The following BTF3L4 variants were observed in gnomAD, a reference collection of about 807,000 sequenced individuals.
The protein encoded by BTF3L4 is transcription factor BTF3 homolog 4.
Under a neutral mutation model 16.8 loss-of-function variants are expected in BTF3L4, and 6 were observed. The ratio of observed to expected loss-of-function variants is 0.36; its 90% CI spans 0.20 to 0.71. The LOEUF (loss-of-function observed/expected upper bound fraction) is 0.71, where lower values mean the gene tolerates loss of function less well. BTF3L4 is among the 30% of genes least tolerant of loss of function. The probability of loss-of-function intolerance (pLI) is 0.58; values close to 1 mark genes in which losing one functional copy is unlikely to be tolerated. For synonymous variants in BTF3L4, 39 were observed against 59.8 expected, an observed-to-expected ratio of 0.65 and a Z score of 1.60; for missense variants, 92 against 186.9, an observed-to-expected ratio of 0.49 and a Z score of 2.96.
At chr1:52,078,965 T>C (rs1686998353) in intron 3 of BTF3L4, among the ~76,000 whole-genome samples, 1 of 152,210 alleles carries the variant, frequency 6.6e-6, no homozygotes, top group Non-Finnish European at 1.5e-5. Context: ...TCTTATATTG[T>C]ACATATATTA....
intron 3 of BTF3L4, among the ~76,000 whole-genome samples, chr1:52,074,240 C>T (rs1686872929): frequency 6.6e-6 from 1 of 151,900 alleles, no homozygotes; most frequent in South Asian, 2.1e-4. Flanking sequence ...ACTCTATGCC[C>T]AGGCTGGAGT....
chr1:52,084,880 G>A (rs770259934), intron 4 of BTF3L4, among the ~76,000 whole-genome samples: 1 of 151,706 alleles, frequency 6.6e-6, no homozygotes, highest in South Asian at 2.1e-4. Flanking sequence ...TGTGGCAACC[G>A]TAAGTTCTGA....
At chr1:52,057,975 C>T (rs968487648) in intron 1 of BTF3L4, among the ~76,000 whole-genome samples, 1 of 152,192 alleles carries the variant, frequency 6.6e-6, no homozygotes, top group Non-Finnish European at 1.5e-5. Flanking sequence ...CTTCAAAATG[C>T]AGAAGAATCC....
intron 2 of BTF3L4, among the ~76,000 whole-genome samples, chr1:52,061,342 G>A (rs2124413862): frequency 6.6e-6 from 1 of 152,008 alleles, no homozygotes; most frequent in Non-Finnish European, 1.5e-5. Flanking sequence ...TACAAAAATA[G>A]CCTGGTGTGG....
intron 2 of BTF3L4, 37 bp downstream of exon 2, chr1:52,059,938 A>ATGAT (rs1239894578): frequency 6.4e-7 from 1 of 1,565,220 alleles, no homozygotes; most frequent in African/African-American, 1.4e-5. Context: ...AGGAGAATGT[A>ATGAT]TGATTACCAG....
chr1:52,089,759 T>C lies in BTF3L4; in HGVS notation c.*3001T>C, dbSNP rs1644003152. 1.3e-5 allele frequency: 2 copies of C among 152,170 alleles called. No individual in the cohort carries two copies. The highest frequency in any genetic ancestry group is 4.8e-5 in the African/African-American group (2 of 41,444). 9.4% of individuals were successfully genotyped at this position (152,170 alleles called of 1,614,324 possible). A position where few individuals can be genotyped will look rare whatever the true frequency, so the allele number is the denominator to read the frequency against. ...CTGTTTTGGACAAGTCCAAAGTAAA[T>C]GGTTGGGCTCTTATATCTGTTTTAC... is the stretch of plus-strand genomic sequence containing the variant. On this transcript the variant is annotated 3_prime_UTR_variant, in exon 6 of 6. Transcript: ENST00000313334.
At chr1:52,071,203 T>G (rs568688831) in intron 3 of BTF3L4, 2 of 152,318 alleles carry the variant, frequency 1.3e-5, no homozygotes, top group African/African-American at 4.8e-5. Context: ...AAAAAGCACT[T>G]TCCGATTCAG....
At chr1:52,082,738 C>A (rs75836980) in intron 3 of BTF3L4, among the ~76,000 whole-genome samples, 10 of 141,026 alleles carry the variant, frequency 7.1e-5, no homozygotes, top group African/African-American at 1.8e-4. Context: ...GATTCTGTCT[C>A]AAAAAAAAAA....
In BTF3L4 at chr1:52,088,007, T is replaced by A. The variant is rs1643987319; in HGVS notation, c.*1249T>A. ...CACAGTATTTATTTTTTTACCTCCT[T>A]TAAGAGGACTTGGAGGTAAGTTGCA... On this transcript the variant is annotated 3_prime_UTR_variant, in exon 6 of 6. Transcript: ENST00000313334. 1 of 152,632 alleles carries A rather than the reference T, an allele frequency of 6.6e-6. No homozygotes were observed. The highest frequency in any genetic ancestry group is 1.5e-5 in the Non-Finnish European group (1 of 68,030). 9.5% of individuals were successfully genotyped at this position (152,632 alleles called of 1,614,324 possible).
chr1:52,075,463 A>G (rs1686906204), intron 3 of BTF3L4, among the ~76,000 whole-genome samples: 1 of 150,116 alleles, frequency 6.7e-6, no homozygotes, highest in Non-Finnish European at 1.5e-5. Flanking sequence ...CAGAGGTTGC[A>G]GTGGGCCGAG....
chr1:52,059,080 C>T (rs1388407093), intron 1 of BTF3L4, among the ~76,000 whole-genome samples: 3 of 151,872 alleles, frequency 2.0e-5, no homozygotes, highest in African/African-American at 7.3e-5. Context: ...CTCTGCCCCC[C>T]CCCAACATTT....
chr1:52,056,527 C>T (rs1686359427), intron 1 of BTF3L4, 148 bp downstream of exon 1: 1 of 152,550 alleles, frequency 6.6e-6, no homozygotes, highest in Admixed American at 6.5e-5. Context: ...CTGGCTTGGC[C>T]TGTCGGTTAC....
intron 4 of BTF3L4, among the ~76,000 whole-genome samples, chr1:52,084,985 T>G (rs2124448368): frequency 6.6e-6 from 1 of 151,408 alleles, no homozygotes; most frequent in Admixed American, 6.6e-5. Context: ...GCTAGATACT[T>G]TCTTACACCA....
intron 3 of BTF3L4, among the ~76,000 whole-genome samples, chr1:52,072,086 G>A (rs1686805054): frequency 6.8e-6 from 1 of 147,930 alleles, no homozygotes; most frequent in African/African-American, 2.5e-5. Flanking sequence ...GTGCAGTCTC[G>A]CTCTTTTGCC....
chr1:52,069,465 G>A (rs1686731097), intron 3 of BTF3L4, among the ~76,000 whole-genome samples: 1 of 151,990 alleles, frequency 6.6e-6, no homozygotes, highest in Non-Finnish European at 1.5e-5. Context: ...ATGATTTTCA[G>A]AAACACTCAG....
intron 4 of BTF3L4, among the ~76,000 whole-genome samples, chr1:52,085,427 C>T (rs1039924889): frequency 3.3e-5 from 5 of 151,004 alleles, no homozygotes; most frequent in Admixed American, 3.3e-4. Flanking sequence ...GGATGGAGTG[C>T]AGTGGATTAC....
chr1:52,074,372 T>G (rs1686876074), intron 3 of BTF3L4, among the ~76,000 whole-genome samples: 1 of 151,638 alleles, frequency 6.6e-6, no homozygotes, highest in East Asian at 1.9e-4. Flanking sequence ...AGCTAATTTT[T>G]TTTTTTTTTG....
In BTF3L4 at chr1:52,088,358, G is replaced by A. The variant is rs1056854383; in HGVS notation, c.*1600G>A. The A allele has an allele frequency of 3.9e-5, 6 of 152,256 alleles. No homozygotes were observed. Among genetic ancestry groups the A allele is most frequent in the Non-Finnish European group, 5.9e-5 (4 of 67,974 alleles). The allele number at this position is 152,256 out of a possible 1,614,324, so 9.4% of individuals were successfully genotyped here. ...CCTGTTATGTTTTATATAATATATG[G>A]ACTAAACAAAATAAAATAACAGTGC... On this transcript the variant is annotated 3_prime_UTR_variant, in exon 6 of 6. Transcript: ENST00000313334.
chr1:52,086,477 A>G (rs1558011873), intron 5 of BTF3L4: 1 of 479,230 alleles, frequency 2.1e-6, no homozygotes. Flanking sequence ...AATGCTATTC[A>G]CCTCAGTAAT....
Sources: allele counts gnomAD v4.1 joint callset (sites outside exome capture counted in the v4.1 genomes callset), GRCh38; gene constraint gnomAD v4.1.1; transcripts MANE v1.5; gene names NCBI Gene and HGNC (gene_info 2026-07-23, HGNC 2026-07-21).